TRIO: variants seen among roughly 807,000 people sequenced by gnomAD.
The protein encoded by TRIO is triple functional domain protein.
In TRIO, 58 loss-of-function variants were observed where a neutral mutation model predicts 351.9. The observed-to-expected ratio is 0.16, with a 90% confidence interval of 0.13 to 0.21. The LOEUF (loss-of-function observed/expected upper bound fraction) is 0.21. Among genes scored for constraint, TRIO ranks in the 10% least tolerant of loss-of-function variants. The probability of loss-of-function intolerance (pLI) is 1.00; values close to 1 mark genes in which losing one functional copy is unlikely to be tolerated. For missense variants in TRIO, 3,201 were observed against 4,027.8 expected, an observed-to-expected ratio of 0.79 and a Z score of 5.56; for synonymous variants, 1,758 against 1,595.7, an observed-to-expected ratio of 1.10 and a Z score of -2.42.
chr5:14,430,549 C>CTA (rs1423775301), intron 34 of TRIO, among the ~76,000 whole-genome samples: 1 of 152,128 alleles, frequency 6.6e-6, no homozygotes, highest in Non-Finnish European at 1.5e-5. Flanking sequence ...TGAATCCAAG[C>CTA]TATGCAGTTG....
intron 10 of TRIO, among the ~76,000 whole-genome samples, chr5:14,335,017 T>C (rs995553192): frequency 7.1e-6 from 1 of 141,550 alleles, no homozygotes; most frequent in Non-Finnish European, 1.5e-5. Flanking sequence ...TTTTTAGATC[T>C]GTCTCGTGTG....
chr5:14,489,874 A>C (rs530901668), intron 48 of TRIO, among the ~76,000 whole-genome samples: 4 of 152,212 alleles, frequency 2.6e-5, no homozygotes, highest in Non-Finnish European at 5.9e-5. Flanking sequence ...CTCATGTGGC[A>C]GGGAACCTGG....
intron 18 of TRIO, among the ~76,000 whole-genome samples, chr5:14,370,320 C>T (rs931674028): frequency 4.6e-5 from 7 of 152,050 alleles, no homozygotes; most frequent in African/African-American, 1.7e-4. Context: ...TAGTCACAGA[C>T]GTGCTTTGGA....
chr5:14,187,789 A>G (rs1359615587), intron 1 of TRIO, among the ~76,000 whole-genome samples: 1 of 139,976 alleles, frequency 7.1e-6, no homozygotes, highest in African/African-American at 3.3e-5. Flanking sequence ...CCTCATTATT[A>G]AAGTAATGTA....
At chr5:14,291,705 C>G (rs931735547) in intron 5 of TRIO, among the ~76,000 whole-genome samples, 1 of 146,818 alleles carries the variant, frequency 6.8e-6, no homozygotes, top group Admixed American at 7.0e-5. Flanking sequence ...AGGAGAATCG[C>G]TTGAACCCAT....
intron 24 of TRIO, among the ~76,000 whole-genome samples, 184 bp downstream of exon 24, chr5:14,388,863 G>C (rs1746799368): frequency 6.6e-6 from 1 of 152,030 alleles, no homozygotes; most frequent in Non-Finnish European, 1.5e-5. Flanking sequence ...TTCTAGGTTT[G>C]TTTTTCACTC....
At chr5:14,455,860 C>T (rs1259040900) in intron 34 of TRIO, among the ~76,000 whole-genome samples, 3 of 152,258 alleles carry the variant, frequency 2.0e-5, no homozygotes, top group East Asian at 3.9e-4. Context: ...GGGCCACAGG[C>T]GGAGCTGCCC....
intron 34 of TRIO, among the ~76,000 whole-genome samples, chr5:14,453,900 G>A (rs1041165286): frequency 6.6e-6 from 1 of 152,208 alleles, no homozygotes; most frequent in African/African-American, 2.4e-5. Context: ...TGAGGGAAAG[G>A]CAAGAGATGA....
At chr5:14,183,663 T>G (rs1039928523) in intron 1 of TRIO, 3 of 292,232 alleles carry the variant, frequency 1.0e-5, no homozygotes, top group African/African-American at 6.4e-5. Flanking sequence ...TTTTTCCCCC[T>G]CCATAATGGG....
intron 1 of TRIO, among the ~76,000 whole-genome samples, chr5:14,228,898 A>G (rs1793218681): frequency 6.6e-6 from 1 of 152,120 alleles, no homozygotes; most frequent in Admixed American, 6.5e-5. Context: ...AAAAGAATAT[A>G]CCAAATTATA....
intron 1 of TRIO, among the ~76,000 whole-genome samples, chr5:14,154,198 C>T (rs1430523281): frequency 6.6e-6 from 1 of 152,054 alleles, no homozygotes; most frequent in Non-Finnish European, 1.5e-5. Context: ...TAGGAAATCT[C>T]TGGCTGTTAA....
intron 20 of TRIO, among the ~76,000 whole-genome samples, chr5:14,380,482 C>T (rs751862116): frequency 3.4e-4 from 52 of 152,180 alleles, no homozygotes; most frequent in Non-Finnish European, 5.9e-4. Flanking sequence ...TGCTCCAGGG[C>T]GCTCCCCAGG....
chr5:14,352,143 G>A (rs78921250), intron 11 of TRIO, among the ~76,000 whole-genome samples: 1,827 of 151,610 alleles, frequency 0.012, 40 homozygotes, highest in African/African-American at 0.042. Context: ...TCCATGAGCC[G>A]GGCCCTGTAC....
chr5:14,221,531 A>C (rs969553573), intron 1 of TRIO, among the ~76,000 whole-genome samples: 1 of 152,162 alleles, frequency 6.6e-6, no homozygotes, highest in African/African-American at 2.4e-5. Context: ...TCATGGGAGG[A>C]GGTCAAAATA....
chr5:14,200,483 C>T (rs1188603007), intron 1 of TRIO, among the ~76,000 whole-genome samples: 1 of 152,212 alleles, frequency 6.6e-6, no homozygotes, highest in African/African-American at 2.4e-5. Context: ...GACTGAATGT[C>T]ATTCACATCT....
At chr5:14,453,321 T>C (rs899321140) in intron 34 of TRIO, among the ~76,000 whole-genome samples, 1 of 152,236 alleles carries the variant, frequency 6.6e-6, no homozygotes, top group Non-Finnish European at 1.5e-5. Flanking sequence ...ATTTTAAAAA[T>C]AGAAATAGAA....
chr5:14,280,256 T>C (rs957225163), intron 2 of TRIO, 66 bp from the exon 3 acceptor site: 2 of 1,468,996 alleles, frequency 1.4e-6, no homozygotes, highest in African/African-American at 2.8e-5. Flanking sequence ...ACAGAGTGAA[T>C]GGATGATAAC....
intron 1 of TRIO, among the ~76,000 whole-genome samples, chr5:14,191,791 A>G (rs577812321): frequency 1.4e-3 from 212 of 152,354 alleles, no homozygotes; most frequent in African/African-American, 4.7e-3. Context: ...GATAATTATT[A>G]GTAAAGACTT....
chr5:14,438,163 C>T (rs558361804), intron 34 of TRIO, among the ~76,000 whole-genome samples: 3 of 152,320 alleles, frequency 2.0e-5, no homozygotes, highest in African/African-American at 7.2e-5. Flanking sequence ...GTGCCTGTGA[C>T]GTTTGTCTCT....
Sources: gnomAD v4.1 joint callset for allele counts (sites outside exome capture counted in the v4.1 genomes callset) on GRCh38, gnomAD v4.1.1 for gene constraint, MANE v1.5 for transcripts, NCBI Gene and HGNC (gene_info 2026-07-23, HGNC 2026-07-21) for gene names.